GCSAM: variants seen among roughly 807,000 people sequenced by gnomAD.
The protein encoded by GCSAM is germinal center-associated signaling and motility protein.
A neutral mutation model predicts 17.6 loss-of-function variants in GCSAM; 8 were observed. The observed-to-expected ratio is 0.46, with a 90% confidence interval of 0.27 to 0.82. GCSAM has a LOEUF of 0.82. Among genes scored for constraint, GCSAM ranks in the 40% least tolerant of loss-of-function variants. The pLI is 0.15. For missense variants in GCSAM, 192 were observed against 213.5 expected (o/e 0.90, Z 0.63); for synonymous variants, 68 against 69.0 (o/e 0.98, Z 0.07).
intron 5 of GCSAM, among the ~76,000 whole-genome samples, chr3:112,124,909 A>G (rs186584815): frequency 3.9e-5 from 6 of 152,126 alleles, no homozygotes; most frequent in Non-Finnish European, 7.4e-5. Context: ...GGGGGATGGG[A>G]TGGATTATAG....
At chr3:112,128,090 A>C in intron 2 of GCSAM, 29 bp from the exon 3 acceptor site, 1 of 1,606,362 alleles carries the variant, frequency 6.2e-7, no homozygotes, top group Non-Finnish European at 8.5e-7. Flanking sequence ...ATGGCAAATC[A>C]TAAGGTTGAT....
At chr3:112,131,601 A>G (rs898933062) in intron 1 of GCSAM, among the ~76,000 whole-genome samples, 3 of 152,210 alleles carry the variant, frequency 2.0e-5, no homozygotes, top group Non-Finnish European at 4.4e-5. Context: ...AGCTGGGACT[A>G]CAGGTGCATG....
intron 5 of GCSAM, 23 bp from the exon 6 acceptor site, chr3:112,123,795 C>G (rs771311662): frequency 6.3e-7 from 1 of 1,598,134 alleles, no homozygotes; most frequent in Non-Finnish European, 8.5e-7. Context: ...GAAGAACCAT[C>G]ATCAAGATTT....
At chr3:112,125,546 G>A (rs907533829) in intron 4 of GCSAM, among the ~76,000 whole-genome samples, 11 of 152,168 alleles carry the variant, frequency 7.2e-5, no homozygotes, top group East Asian at 3.9e-4. Flanking sequence ...ACCTAGCCCC[G>A]TCTCCTTCCT....
intron 4 of GCSAM, among the ~76,000 whole-genome samples, chr3:112,126,549 T>C (rs1392437352): frequency 6.6e-6 from 1 of 152,196 alleles, no homozygotes; most frequent in Non-Finnish European, 1.5e-5. Context: ...CTGGGTGATA[T>C]CTTTAATACA....
At chr3:112,127,432 T>C (rs750883024) in intron 3 of GCSAM, among the ~76,000 whole-genome samples, 1 of 150,190 alleles carries the variant, frequency 6.7e-6, no homozygotes, top group African/African-American at 2.4e-5. Flanking sequence ...AACAAACAAA[T>C]AAACACACTC....
intron 4 of GCSAM, among the ~76,000 whole-genome samples, chr3:112,126,474 C>T (rs981405838): frequency 6.6e-6 from 1 of 152,160 alleles, no homozygotes; most frequent in African/African-American, 2.4e-5. Flanking sequence ...GCACCAGCCT[C>T]GTAAGTGTTC....
intron 2 of GCSAM, chr3:112,128,881 AAGT>A (rs1317985653): frequency 6.6e-6 from 1 of 152,324 alleles, no homozygotes; most frequent in Non-Finnish European, 1.5e-5. Flanking sequence ...GCCCTTTATA[AAGT>A]AGTATCAGTT....
In GCSAM at chr3:112,133,145, C is replaced by G. The variant is rs1210278281; in HGVS notation, c.-25G>C. On this transcript the variant is annotated 5_prime_UTR_variant, in exon 1 of 6. Coordinates refer to ENST00000308910, the MANE Select transcript of GCSAM (RefSeq NM_152785.5). ...TCCTCTCAGTCCTCTCAGGGCTTCC[C>G]CTCCGTCCCTTTACCACTTCCTTCT... 33 of 1,613,620 alleles carry G rather than the reference C, an allele frequency of 2.0e-5. No homozygotes were observed. The highest frequency in any genetic ancestry group is 2.7e-5 in the Non-Finnish European group (32 of 1,179,516).
In GCSAM at chr3:112,123,758, C is replaced by G; in HGVS notation, c.234G>C (p.Gln78His). The change falls in exon 6 of 6, where the codon CAG becomes CAC. Residue 78 changes from glutamine (Q) to histidine (H), a missense_variant. Transcript: ENST00000308910. Reference sequence around the variant, plus strand: ...TATAGCACAGCTCCTCTGAGTAGGTCTGGTCAACATTGTCCTGCTTGTCAA... The same window carrying G: ...TATAGCACAGCTCCTCTGAGTAGGTGTGGTCAACATTGTCCTGCTTGTCAA... ...SSTPIQDNVD[Q>H]TYSEELCYTL... is the part of the protein sequence containing the mutation. The G allele has an allele frequency of 1.2e-6, 2 of 1,612,882 alleles. No individual in the cohort carries two copies. Among genetic ancestry groups the G allele is most frequent in the Middle Eastern group, 1.7e-4 (1 of 6,050 alleles).
chr3:112,123,621 G>T lies in GCSAM; in HGVS notation c.371C>A (p.Thr124Asn). Residue 124 changes from threonine to asparagine, a missense_variant, in exon 6 of 6, where the codon ACT (threonine) becomes AAT (asparagine). By Grantham distance (65) the Thr-to-Asn change is moderately conservative. Coordinates refer to ENST00000308910, the MANE Select transcript of GCSAM (RefSeq NM_152785.5). ...ATGTAGAAGTGAATACTCAGTCTCA[G>T]TTCCTCCCAAGGACTCTCTGGGTCT... ...AERPRESLGG[T>N]ETEYSLLHMP... 1.9e-6 allele frequency: 3 copies of T among 1,614,118 alleles called. No homozygotes were observed. Among genetic ancestry groups the T allele is most frequent in the Non-Finnish European group, 2.5e-6 (3 of 1,180,000 alleles).
At chr3:112,125,926 C>T (rs1238462730) in intron 4 of GCSAM, among the ~76,000 whole-genome samples, 1 of 152,214 alleles carries the variant, frequency 6.6e-6, no homozygotes, top group Non-Finnish European at 1.5e-5. Context: ...ACCCTTGCTA[C>T]CCTCTTGCAA....
At chr3:112,127,554 T>C (rs1455780464) in intron 3 of GCSAM, among the ~76,000 whole-genome samples, 1 of 152,230 alleles carries the variant, frequency 6.6e-6, no homozygotes, top group Admixed American at 6.5e-5. Context: ...GGTAACCCTA[T>C]GTCCTGGTTT....
rs1386082519 is a variant in GCSAM, at chr3:112,123,403, C to T, written c.*52G>A. 2 of 1,578,396 alleles carry T rather than the reference C, an allele frequency of 1.3e-6. No individual in the cohort carries two copies. Among genetic ancestry groups the T allele is most frequent in the Middle Eastern group, 1.7e-4 (1 of 5,738 alleles). On this transcript the variant is annotated 3_prime_UTR_variant, in exon 6 of 6. Coordinates refer to ENST00000308910, the MANE Select transcript of GCSAM (RefSeq NM_152785.5). ...CCATCCCTGCTTCAGGCAGATCCCC[C>T]ATCCCACCTTTTATTTGTTGGTGCT...
intron 2 of GCSAM, chr3:112,128,952 T>C (rs2074390940): frequency 6.6e-6 from 1 of 152,256 alleles, no homozygotes; most frequent in African/African-American, 2.4e-5. Context: ...CCGTGAGCTT[T>C]CCCATGAAGT....
At chr3:112,126,028 C>A (rs1178846372) in intron 4 of GCSAM, among the ~76,000 whole-genome samples, 1 of 152,196 alleles carries the variant, frequency 6.6e-6, no homozygotes, top group Non-Finnish European at 1.5e-5. Flanking sequence ...TCTCTCGGTC[C>A]TCACATCCTG....
At chr3:112,127,171 T>G in intron 3 of GCSAM, 138 bp from the exon 4 acceptor site, 3 of 556,924 alleles carry the variant, frequency 5.4e-6, no homozygotes, top group Non-Finnish European at 9.3e-6. Flanking sequence ...ATAGATGAGT[T>G]AAGTAAAAAA....
At position 112,122,119 on chromosome 3, in the gene GCSAM, T is replaced by A. The variant is rs1576156153; in HGVS notation, c.*1336A>T. The A allele has an allele frequency of 6.6e-6, 1 of 152,384 alleles. No homozygotes were observed. The highest frequency in any genetic ancestry group is 1.9e-4 in the East Asian group (1 of 5,192). 9.4% of individuals were successfully genotyped at this position (152,384 alleles called of 1,614,324 possible). A position where few individuals can be genotyped will look rare whatever the true frequency, so the allele number is the denominator to read the frequency against. On this transcript the variant is annotated 3_prime_UTR_variant, in exon 6 of 6. Transcript: ENST00000308910. ...TCTCACTTATCCATTTGTGATTTAA[T>A]ATTTTTATGCCATTTTATTGGTGCT...
At chr3:112,127,436 C>G (rs1397255789) in intron 3 of GCSAM, among the ~76,000 whole-genome samples, 1 of 152,226 alleles carries the variant, frequency 6.6e-6, no homozygotes, top group South Asian at 2.1e-4. Context: ...AACAAATAAA[C>G]ACACTCTTCG....
Sources: allele counts gnomAD v4.1 joint callset (sites outside exome capture counted in the v4.1 genomes callset), GRCh38; gene constraint gnomAD v4.1.1; transcripts MANE v1.5; gene names NCBI Gene and HGNC (gene_info 2026-07-23, HGNC 2026-07-21).